LSAMP: variants seen among roughly 807,000 people sequenced by gnomAD.
The protein encoded by LSAMP is limbic system-associated membrane protein.
In LSAMP, 7 loss-of-function variants were observed where a neutral mutation model predicts 38.6. The ratio of observed to expected loss-of-function variants is 0.18; its 90% confidence interval spans 0.10 to 0.34. The LOEUF is 0.34. LSAMP is among the 10% of genes least tolerant of loss of function. The pLI, the probability that LSAMP is intolerant of heterozygous loss-of-function variation, is 1.00. For synonymous variants in LSAMP, 154 were observed against 166.8 expected (o/e 0.92, Z 0.59); for missense variants, 313 against 420.0 (o/e 0.75, Z 2.23).
intron 1 of LSAMP, among the ~76,000 whole-genome samples, chr3:116,316,845 T>C (rs2047636042): frequency 1.3e-5 from 2 of 148,424 alleles, no homozygotes; most frequent in East Asian, 3.9e-4. Flanking sequence ...AAATGAGGTG[T>C]CAAGCATAAA....
chr3:116,194,612 G>T (rs1222008779), intron 1 of LSAMP, among the ~76,000 whole-genome samples: 2 of 152,124 alleles, frequency 1.3e-5, no homozygotes, highest in East Asian at 3.9e-4. Flanking sequence ...TAGCCAGGAT[G>T]GTCTCCATCT....
At chr3:115,952,906 T>G (rs1023475320) in intron 3 of LSAMP, among the ~76,000 whole-genome samples, 11 of 152,228 alleles carry the variant, frequency 7.2e-5, no homozygotes, top group African/African-American at 2.7e-4. Context: ...TACTGAATGC[T>G]TATTGTATAC....
intron 2 of LSAMP, among the ~76,000 whole-genome samples, chr3:116,050,149 T>G (rs550282398): frequency 6.6e-6 from 1 of 152,228 alleles, no homozygotes; most frequent in Non-Finnish European, 1.5e-5. Context: ...GGGCATTTAT[T>G]TCCCTGACTC....
intron 1 of LSAMP, among the ~76,000 whole-genome samples, chr3:116,354,816 G>T (rs1348031427): frequency 1.3e-5 from 2 of 149,980 alleles, no homozygotes; most frequent in Admixed American, 6.7e-5. Flanking sequence ...TACATAAAAA[G>T]CTCTCTGTCT....
At chr3:116,179,558 G>T (rs928413569) in intron 1 of LSAMP, among the ~76,000 whole-genome samples, 1 of 152,094 alleles carries the variant, frequency 6.6e-6, no homozygotes, top group African/African-American at 2.4e-5. Flanking sequence ...TAGCTGGGGA[G>T]GCCTCAGGAA....
intron 1 of LSAMP, among the ~76,000 whole-genome samples, chr3:116,277,116 A>T (rs1187553299): frequency 6.6e-6 from 1 of 152,206 alleles, no homozygotes; most frequent in Non-Finnish European, 1.5e-5. Flanking sequence ...ATAAAATAGA[A>T]CATGGCCTCT....
chr3:116,352,749 C>A (rs1217111644), intron 1 of LSAMP, among the ~76,000 whole-genome samples: 1 of 152,030 alleles, frequency 6.6e-6, no homozygotes, highest in Non-Finnish European at 1.5e-5. Context: ...CAATCACTTT[C>A]TTTAATTCAT....
chr3:116,084,739 AAT>A (rs1327754081), intron 2 of LSAMP, among the ~76,000 whole-genome samples: 2 of 152,176 alleles, frequency 1.3e-5, no homozygotes, highest in African/African-American at 4.8e-5. Context: ...ATTGTGTAGA[AAT>A]ATCACAATAT....
chr3:116,112,266 T>C (rs1183887995), intron 1 of LSAMP, among the ~76,000 whole-genome samples: 1 of 152,166 alleles, frequency 6.6e-6, no homozygotes, highest in African/African-American at 2.4e-5. Context: ...AAACCAATCA[T>C]GTTTTTAATA....
At chr3:116,064,991 A>C (rs1179868230) in intron 2 of LSAMP, among the ~76,000 whole-genome samples, 1 of 152,218 alleles carries the variant, frequency 6.6e-6, no homozygotes, top group Non-Finnish European at 1.5e-5. Context: ...AAATAATAAT[A>C]ATCATATTTT....
intron 1 of LSAMP, among the ~76,000 whole-genome samples, chr3:116,327,090 G>A (rs867547817): frequency 1.6e-4 from 24 of 152,148 alleles, no homozygotes; most frequent in African/African-American, 4.6e-4. Context: ...ACATTAACAT[G>A]CAAATGAATC....
intron 3 of LSAMP, among the ~76,000 whole-genome samples, chr3:115,947,833 GA>G (rs1189988772): frequency 3.3e-5 from 5 of 152,164 alleles, no homozygotes; most frequent in Non-Finnish European, 7.3e-5. Context: ...ACATATTATT[GA>G]CTGTGTTTCT....
rs565915640 is a variant in LSAMP, at chr3:116,400,446, C to T, written c.155+44431G>A. Among the ~76,000 whole-genome samples, 69 of 135,386 alleles carry T rather than the reference C, an allele frequency of 5.1e-4. No individual in the cohort carries two copies. In the East Asian group the frequency reaches 6.0e-3, roughly 12 times the overall value. The allele number at this position is 135,386 out of a possible 152,430, so 88.8% of individuals were successfully genotyped here. A position where few individuals can be genotyped will look rare whatever the true frequency, so the allele number is the denominator to read the frequency against. On this transcript the variant is annotated intron_variant, in intron 1 of 6. Transcript: ENST00000490035. ...TCCCTCCCTCCCTCCCTCCTTCCTTCCTTCCTTCCTTCCCTCCTTCCTTCC... is the reference window on the plus strand; with the variant it reads ...TCCCTCCCTCCCTCCCTCCTTCCTTTCTTCCTTCCTTCCCTCCTTCCTTCC...
intron 3 of LSAMP, among the ~76,000 whole-genome samples, chr3:115,960,387 A>G (rs1386753384): frequency 6.6e-6 from 1 of 152,190 alleles, no homozygotes; most frequent in East Asian, 1.9e-4. Context: ...TTGTCATGTC[A>G]GCCTTGGAGA....
At chr3:116,344,253 A>G (rs1255473423) in intron 1 of LSAMP, among the ~76,000 whole-genome samples, 2 of 152,128 alleles carry the variant, frequency 1.3e-5, no homozygotes, top group Non-Finnish European at 2.9e-5. Context: ...ACTGGTACAG[A>G]TAAGAGGCAT....
intron 1 of LSAMP, among the ~76,000 whole-genome samples, chr3:116,427,376 T>G (rs1332279203): frequency 2.6e-5 from 4 of 152,046 alleles, no homozygotes; most frequent in Non-Finnish European, 5.9e-5. Flanking sequence ...CGCCTCGGCC[T>G]CCCAAAGTGC....
chr3:115,895,890 C>T (rs915424066), intron 3 of LSAMP, among the ~76,000 whole-genome samples: 14 of 151,944 alleles, frequency 9.2e-5, no homozygotes, highest in African/African-American at 7.3e-5. Context: ...ATGTGTCACA[C>T]ATATATTCTT....
intron 1 of LSAMP, among the ~76,000 whole-genome samples, chr3:116,384,739 A>T (rs1404267997): frequency 6.6e-6 from 1 of 152,120 alleles, no homozygotes; most frequent in East Asian, 1.9e-4. Context: ...CTTTTCTTGC[A>T]TATCACCACC....
intron 1 of LSAMP, among the ~76,000 whole-genome samples, chr3:116,134,140 TA>T (rs551892096): frequency 3.3e-4 from 50 of 151,966 alleles, no homozygotes; most frequent in African/African-American, 1.2e-3. Flanking sequence ...ATTATTGGTT[TA>T]AAAAAAAATT....
Sources: gnomAD v4.1 joint callset for allele counts (sites outside exome capture counted in the v4.1 genomes callset) on GRCh38, gnomAD v4.1.1 for gene constraint, MANE v1.5 for transcripts, NCBI Gene and HGNC (gene_info 2026-07-23, HGNC 2026-07-21) for gene names.